GJA1: variants seen among roughly 807,000 people sequenced by gnomAD.
GJA1 encodes gap junction protein alpha 1.
Under a neutral mutation model 31.0 loss-of-function variants are expected in GJA1, and 9 were observed. The observed-to-expected ratio is 0.29, with a 90% confidence interval of 0.17 to 0.51. The LOEUF (loss-of-function observed/expected upper bound fraction) is 0.51. GJA1 is among the 20% of genes least tolerant of loss of function. GJA1 has a pLI of 0.98. For missense variants in GJA1, 278 were observed against 468.8 expected (o/e 0.59, Z 3.76); for synonymous variants, 186 against 180.1 (o/e 1.03, Z -0.26).
chr6:121,436,184 T>TGGGTG (rs1554200294), intron 1 of GJA1, among the ~76,000 whole-genome samples: 1 of 29,854 alleles, frequency 3.3e-5, no homozygotes, highest in African/African-American at 9.9e-5. Flanking sequence ...ATTTGTTGGG[T>TGGGTG]GGGGGGGGGG....
rs1773936200 is a variant in GJA1 at position 121,448,820 on chromosome 6, ATG to A, written c.*830_*831del. The A allele has an allele frequency of 6.0e-6, 1 of 167,002 alleles. No homozygotes were observed. Among genetic ancestry groups the A allele is most frequent in the Non-Finnish European group, 1.5e-5 (1 of 68,176 alleles). 10.3% of individuals were successfully genotyped at this position (167,002 alleles called of 1,614,324 possible). The stretch of plus-strand genomic sequence containing the variant: ...TGCTTAATATTTAACAATCACTTAT[ATG>A]TGTGTCGAAGAGTTTGTTTTGTTTG... On this transcript the variant is annotated 3_prime_UTR_variant, in exon 2 of 2. Coordinates refer to ENST00000282561, the MANE Select transcript of GJA1 (RefSeq NM_000165.5).
At chr6:121,441,612 T>C (rs1055446254) in intron 1 of GJA1, among the ~76,000 whole-genome samples, 6 of 152,178 alleles carry the variant, frequency 3.9e-5, no homozygotes, top group African/African-American at 1.4e-4. Flanking sequence ...AGGATGTTGC[T>C]ATTTCATATT....
At chr6:121,440,155 C>T (rs555990756) in intron 1 of GJA1, among the ~76,000 whole-genome samples, 293 of 151,918 alleles carry the variant, frequency 1.9e-3, no homozygotes, top group African/African-American at 5.9e-3. Flanking sequence ...GTGGTGCAAT[C>T]GGAGTTAGAA....
In GJA1 at chr6:121,447,299, T is replaced by A; in HGVS notation, c.452T>A (p.Leu151Ter). 1.2e-6 allele frequency: 2 copies of A among 1,614,084 alleles called. No homozygotes were observed. Among genetic ancestry groups the A allele is most frequent in the Non-Finnish European group, 1.7e-6 (2 of 1,179,952 alleles). ...EHGKVKMRGG[L>*]LRTYIISILF... ...GGTAAGGTGAAAATGCGAGGGGGGT[T>A]GCTGCGAACCTACATCATCAGTATC... Residue 151 changes from leucine (L) to a stop codon, truncating the protein, a stop_gained, in exon 2 of 2, where the codon TTG becomes TAG. Coordinates refer to ENST00000282561, the MANE Select transcript of GJA1 (RefSeq NM_000165.5). LOFTEE classifies it high-confidence loss of function.
chr6:121,442,748 G>C (rs1773814894), intron 1 of GJA1, among the ~76,000 whole-genome samples: 1 of 152,196 alleles, frequency 6.6e-6, no homozygotes, highest in Admixed American at 6.5e-5. Context: ...TTCAGGAAAG[G>C]GGCCAGAGGA....
At chr6:121,438,779 A>G (rs929220958) in intron 1 of GJA1, among the ~76,000 whole-genome samples, 3 of 152,222 alleles carry the variant, frequency 2.0e-5, no homozygotes, top group Non-Finnish European at 4.4e-5. Flanking sequence ...TCTCCAGAGC[A>G]TCTCTTCCAT....
rs1449750966 is a variant in GJA1 at position 121,447,183 on chromosome 6, A to C, written c.336A>C (p.Glu112Asp). ...AGAAACTGAACAAGAAAGAGGAAGA[A>C]CTCAAGGTTGCCCAAACTGATGGTG... Reference protein sequence around the residue: ...KEEKLNKKEEELKVAQTDGVN... With the variant: ...KEEKLNKKEEDLKVAQTDGVN... Residue 112 changes from glutamate (E) to aspartate (D), a missense_variant, in exon 2 of 2, where the codon GAA becomes GAC. Glu to Asp is a conservative substitution (Grantham distance 45). Transcript: ENST00000282561. 6.2e-7 allele frequency: 1 copy of C among 1,613,968 alleles called. No individual in the cohort carries two copies. The highest frequency in any genetic ancestry group is 8.5e-7 in the Non-Finnish European group (1 of 1,179,868).
At chr6:121,446,688 G>A in intron 1 of GJA1, 144 bp from the exon 2 acceptor site, 2 of 703,482 alleles carry the variant, frequency 2.8e-6, no homozygotes, top group Non-Finnish European at 5.1e-6. Context: ...GGGACAGGAA[G>A]AGTTTGCACT....
rs899618609 is a variant in GJA1, at chr6:121,439,134, T to TA, written c.-17+3311dup. Among the ~76,000 whole-genome samples, 22 of 151,846 alleles carry TA rather than the reference T, an allele frequency of 1.4e-4. No individual in the cohort carries two copies. In the South Asian group the frequency reaches 1.7e-3, roughly 11 times the overall value. ...GCAACATAGCAAGACCCCACCTCTA[T>TA]AAAAAAAAATTTTAAAAAGAAAATG... On this transcript the variant is annotated intron_variant, in intron 1 of 1. Coordinates refer to ENST00000282561, the MANE Select transcript of GJA1 (RefSeq NM_000165.5).
intron 1 of GJA1, among the ~76,000 whole-genome samples, chr6:121,440,987 G>A (rs904176717): frequency 8.6e-5 from 13 of 151,512 alleles, no homozygotes; most frequent in African/African-American, 3.2e-4. Context: ...CTGTCGCCCA[G>A]GCTGGAGTGC....
At chr6:121,444,367 T>C (rs987717850) in intron 1 of GJA1, among the ~76,000 whole-genome samples, 1 of 152,202 alleles carries the variant, frequency 6.6e-6, no homozygotes, top group Admixed American at 6.5e-5. Context: ...TTACTCAGCA[T>C]TCTTTGGCAC....
chr6:121,439,277 G>A (rs1773725188), intron 1 of GJA1, among the ~76,000 whole-genome samples: 1 of 152,096 alleles, frequency 6.6e-6, no homozygotes, highest in African/African-American at 2.4e-5. Flanking sequence ...TTACTGAGCT[G>A]TTACTAAGAG....
At chr6:121,438,709 A>T (rs1488748822) in intron 1 of GJA1, among the ~76,000 whole-genome samples, 1 of 152,218 alleles carries the variant, frequency 6.6e-6, no homozygotes, top group East Asian at 1.9e-4. Context: ...GAGAAAAAGT[A>T]ATTATCTAGT....
Position 121,443,463 on chromosome 6 carries a change from A to G in GJA1, c.-16-3369A>G, listed in dbSNP as rs1411214861. Among the ~76,000 whole-genome samples the G allele has an allele frequency of 2.0e-5, 3 of 152,196 alleles. No individual in the cohort carries two copies. In the South Asian group the frequency reaches 6.2e-4, roughly 32 times the overall value. On this transcript the variant is annotated intron_variant, in intron 1 of 1. Coordinates refer to ENST00000282561, the MANE Select transcript of GJA1 (RefSeq NM_000165.5). ...TGCATGGGTGCTTAAAGAAAAGACAACTTTGCAATTAAGTTACTAGAGTAT... is the reference window on the plus strand; with the variant it reads ...TGCATGGGTGCTTAAAGAAAAGACAGCTTTGCAATTAAGTTACTAGAGTAT...
In GJA1 at chr6:121,449,501, T is replaced by A. The variant is rs1458560640; in HGVS notation, c.*1505T>A. 1 of 167,098 alleles carries A rather than the reference T, an allele frequency of 6.0e-6. No homozygotes were observed. Among genetic ancestry groups the A allele is most frequent in the Non-Finnish European group, 1.5e-5 (1 of 68,122 alleles). The allele number at this position is 167,098 out of a possible 1,614,324, so 10.4% of individuals were successfully genotyped here. On this transcript the variant is annotated 3_prime_UTR_variant, in exon 2 of 2. Coordinates refer to ENST00000282561, the MANE Select transcript of GJA1 (RefSeq NM_000165.5). Reference sequence around the variant, plus strand: ...TTTCTCCAAATGCCTTTTTTAAAACTCATCACAGAAGATTGGTGAAAATGC... The same window carrying A: ...TTTCTCCAAATGCCTTTTTTAAAACACATCACAGAAGATTGGTGAAAATGC...
intron 1 of GJA1, among the ~76,000 whole-genome samples, chr6:121,441,308 CA>C (rs1773777244): frequency 6.6e-6 from 1 of 152,008 alleles, no homozygotes; most frequent in South Asian, 2.1e-4. Context: ...AGGCTGATCT[CA>C]AACTCTTGAC....
chr6:121,443,128 A>G (rs534035650), intron 1 of GJA1, among the ~76,000 whole-genome samples: 10 of 152,326 alleles, frequency 6.6e-5, no homozygotes, highest in African/African-American at 2.4e-4. Flanking sequence ...CCCTTTTATT[A>G]TAAGAGGGTA....
At chr6:121,443,986 T>C (rs754149536) in intron 1 of GJA1, among the ~76,000 whole-genome samples, 1 of 152,230 alleles carries the variant, frequency 6.6e-6, no homozygotes, top group Non-Finnish European at 1.5e-5. Flanking sequence ...TGTCTATTGA[T>C]ATAGCTCCAA....
intron 1 of GJA1, among the ~76,000 whole-genome samples, chr6:121,437,993 T>G (rs989725615): frequency 6.6e-6 from 1 of 151,220 alleles, no homozygotes; most frequent in Non-Finnish European, 1.5e-5. Context: ...AGCGCTCCCC[T>G]CCCCCCCGCG....
Sources: gnomAD v4.1 joint callset for allele counts (sites outside exome capture counted in the v4.1 genomes callset) on GRCh38, gnomAD v4.1.1 for gene constraint, MANE v1.5 for transcripts, NCBI Gene and HGNC (gene_info 2026-07-23, HGNC 2026-07-21) for gene names.